The following FHIT variants were observed in gnomAD, a reference collection of about 807,000 sequenced individuals.
FHIT encodes the protein fragile histidine triad diadenosine triphosphatase.
A neutral mutation model predicts 17.9 loss-of-function variants in FHIT; 19 were observed. The ratio of observed to expected loss-of-function variants is 1.06; its 90% confidence interval spans 0.74 to 1.56. FHIT has a LOEUF of 1.56. Ranked by LOEUF, FHIT falls within the 40% of genes most tolerant of loss-of-function variation. The pLI is 0.00. For synonymous variants in FHIT, 81 were observed against 69.7 expected, an observed-to-expected ratio of 1.16 and a Z score of -0.81; for missense variants, 248 against 189.2, an observed-to-expected ratio of 1.31 and a Z score of -1.82.
Position 60,965,607 on chromosome 3 carries a change from A to G in FHIT, c.-111+76440T>C, listed in dbSNP as rs544752668. ...GGTCTTTGATGATGGTGACGTACAC[A>G]TGGGGTTTTGGTGTGGATGTCCTTT... On this transcript the variant is annotated intron_variant, in intron 3 of 9. Transcript: ENST00000492590. 5.3e-5 allele frequency among the ~76,000 whole-genome samples: 8 copies of G among 152,232 alleles called. No homozygotes were observed. The East Asian group carries it at 1.6e-3, about 30-fold the overall frequency.
At chr3:61,225,809 C>G (rs190675838) in intron 1 of FHIT, among the ~76,000 whole-genome samples, 1 of 152,158 alleles carries the variant, frequency 6.6e-6, no homozygotes, top group Non-Finnish European at 1.5e-5. Context: ...CATGTTAGTA[C>G]TTTTCACCAG....
At chr3:60,253,408 A>T (rs978426035) in intron 5 of FHIT, among the ~76,000 whole-genome samples, 3 of 152,244 alleles carry the variant, frequency 2.0e-5, no homozygotes, top group Non-Finnish European at 4.4e-5. Context: ...AACAAATGAT[A>T]TCACTCATTG....
intron 2 of FHIT, among the ~76,000 whole-genome samples, chr3:61,172,833 C>T (rs1339661087): frequency 1.3e-5 from 2 of 151,508 alleles, no homozygotes; most frequent in South Asian, 4.2e-4. Flanking sequence ...ACAAACTAAG[C>T]CTCTTCCTGT....
rs553147361 is a variant in FHIT, at chr3:60,037,707, G to C, written c.104-23555C>G. Among the ~76,000 whole-genome samples the C allele has an allele frequency of 1.6e-4, 22 of 136,092 alleles. No homozygotes were observed. The South Asian group carries it at 5.2e-3, about 32-fold the overall frequency. 89.3% of individuals were successfully genotyped at this position (136,092 alleles called of 152,430 possible). On this transcript the variant is annotated intron_variant, in intron 5 of 9. Coordinates refer to ENST00000492590, the MANE Select transcript of FHIT (RefSeq NM_002012.4). ...TAAAACCAAGTAAGTCTTAAAATTT[G>C]TACTCAGAACTACTTTTTTTTTTTG...
intron 2 of FHIT, among the ~76,000 whole-genome samples, chr3:61,126,691 A>C (rs535260983): frequency 5.3e-5 from 8 of 152,326 alleles, no homozygotes; most frequent in African/African-American, 1.9e-4. Context: ...CAACAATAAA[A>C]CAAAATAAAC....
At chr3:60,189,523 C>T (rs1266133251) in intron 5 of FHIT, among the ~76,000 whole-genome samples, 1 of 152,186 alleles carries the variant, frequency 6.6e-6, no homozygotes, top group African/African-American at 2.4e-5. Flanking sequence ...TTCCTTCCTT[C>T]TTATAAGTAG....
chr3:60,959,445 T>C (rs1043857843), intron 3 of FHIT, among the ~76,000 whole-genome samples: 1 of 152,200 alleles, frequency 6.6e-6, no homozygotes, highest in Non-Finnish European at 1.5e-5. Context: ...AAACAGCATA[T>C]GCCAAGCTGA....
chr3:60,148,280 T>C (rs376052293), intron 5 of FHIT, among the ~76,000 whole-genome samples: 26 of 152,162 alleles, frequency 1.7e-4, no homozygotes, highest in African/African-American at 6.0e-4. Flanking sequence ...GATAGATAAA[T>C]GGCATATGTG....
intron 5 of FHIT, among the ~76,000 whole-genome samples, chr3:60,092,614 T>C (rs1703779058): frequency 6.6e-6 from 1 of 151,982 alleles, no homozygotes. Flanking sequence ...TAAGAACAAG[T>C]CACTAGGAGG....
chr3:61,021,415 C>T (rs902754789), intron 3 of FHIT, among the ~76,000 whole-genome samples: 156 of 143,740 alleles, frequency 1.1e-3, no homozygotes, highest in African/African-American at 3.3e-3. Context: ...CCAGCTAAAA[C>T]GGTGAAACCC....
intron 3 of FHIT, among the ~76,000 whole-genome samples, chr3:60,882,544 G>A (rs920999727): frequency 2.6e-5 from 4 of 152,108 alleles, no homozygotes; most frequent in African/African-American, 9.7e-5. Context: ...TTATCCCAGC[G>A]ATGCAAGGAC....
At chr3:60,482,378 C>T (rs1485764186) in intron 5 of FHIT, among the ~76,000 whole-genome samples, 6 of 152,162 alleles carry the variant, frequency 3.9e-5, no homozygotes, top group Non-Finnish European at 8.8e-5. Flanking sequence ...ACAGAATACA[C>T]ATTCTTCTCA....
chr3:60,360,789 G>A (rs879814210), intron 5 of FHIT, among the ~76,000 whole-genome samples: 20 of 152,238 alleles, frequency 1.3e-4, no homozygotes, highest in Admixed American at 1.2e-3. Context: ...GAGCCACCAT[G>A]TCTCCACTGA....
intron 7 of FHIT, among the ~76,000 whole-genome samples, chr3:59,999,307 A>C (rs1699637281): frequency 6.6e-6 from 1 of 152,120 alleles, no homozygotes; most frequent in South Asian, 2.1e-4. Context: ...ATAGACTAAC[A>C]GGGCCCATTT....
intron 4 of FHIT, among the ~76,000 whole-genome samples, chr3:60,761,539 C>G (rs1195456795): frequency 6.6e-6 from 1 of 151,114 alleles, no homozygotes; most frequent in Admixed American, 6.6e-5. Context: ...CTTTGAATGT[C>G]TGATTTGAAA....
intron 5 of FHIT, among the ~76,000 whole-genome samples, chr3:60,276,752 G>A (rs1033058768): frequency 6.6e-6 from 1 of 152,094 alleles, no homozygotes; most frequent in African/African-American, 2.4e-5. Flanking sequence ...GGGCCTTGGG[G>A]AGCTTACAAT....
At chr3:60,662,524 C>A (rs923443984) in intron 4 of FHIT, among the ~76,000 whole-genome samples, 1 of 151,822 alleles carries the variant, frequency 6.6e-6, no homozygotes, top group African/African-American at 2.4e-5. Context: ...GCTTTGTGGG[C>A]TCTTTTTTGG....
intron 5 of FHIT, among the ~76,000 whole-genome samples, chr3:60,307,426 A>T (rs1043411496): frequency 1.3e-5 from 2 of 152,184 alleles, no homozygotes; most frequent in Non-Finnish European, 2.9e-5. Context: ...TGAACTTTTA[A>T]AATCCATTCT....
At chr3:60,361,317 C>A (rs539859276) in intron 5 of FHIT, among the ~76,000 whole-genome samples, 1 of 152,242 alleles carries the variant, frequency 6.6e-6, no homozygotes, top group South Asian at 2.1e-4. Flanking sequence ...TGTATTGGAA[C>A]AGCATCTCAA....
Sources: allele counts gnomAD v4.1 joint callset (sites outside exome capture counted in the v4.1 genomes callset), GRCh38; gene constraint gnomAD v4.1.1; transcripts MANE v1.5; gene names NCBI Gene and HGNC (gene_info 2026-07-23, HGNC 2026-07-21).